Variants in ADAMTSL3 observed in about 807,000 individuals in gnomAD.
ADAMTSL3 encodes the protein ADAMTS-like protein 3.
In ADAMTSL3, 128 loss-of-function variants were observed where a neutral mutation model predicts 201.7. The ratio of observed to expected loss-of-function variants is 0.63; its 90% CI spans 0.55 to 0.73. ADAMTSL3 has a LOEUF of 0.73. ADAMTSL3 is among the 30% of genes least tolerant of loss of function. ADAMTSL3 has a pLI of 0.00. For synonymous variants in ADAMTSL3, 738 were observed against 748.4 expected, an observed-to-expected ratio of 0.99 and a Z score of 0.23; for missense variants, 1,990 against 2,119.6, an observed-to-expected ratio of 0.94 and a Z score of 1.20.
chr15:83,724,061 G>A (rs190071635), intron 3 of ADAMTSL3, among the ~76,000 whole-genome samples: 1 of 148,184 alleles, frequency 6.7e-6, no homozygotes, highest in Admixed American at 6.7e-5. Flanking sequence ...TTCCCTTCTT[G>A]TTTTTTTTTA....
chr15:83,783,649 A>G (rs2141798329), intron 4 of ADAMTSL3, among the ~76,000 whole-genome samples: 1 of 152,320 alleles, frequency 6.6e-6, no homozygotes, highest in South Asian at 2.1e-4. Context: ...TAGCAGAAAT[A>G]GAGGAATCAT....
intron 2 of ADAMTSL3, among the ~76,000 whole-genome samples, chr15:83,658,042 T>G (rs1450149220): frequency 6.6e-6 from 1 of 152,236 alleles, no homozygotes; most frequent in Non-Finnish European, 1.5e-5. Context: ...AGAAAACTGC[T>G]AGATGTGTGA....
chr15:83,954,182 G>A (rs1335385763), intron 19 of ADAMTSL3, among the ~76,000 whole-genome samples: 4 of 151,960 alleles, frequency 2.6e-5, no homozygotes, highest in African/African-American at 9.7e-5. Context: ...CCCCTTCAGG[G>A]TTATTTTCTA....
At chr15:83,963,021 A>G (rs1048166313) in intron 19 of ADAMTSL3, among the ~76,000 whole-genome samples, 6 of 152,180 alleles carry the variant, frequency 3.9e-5, no homozygotes, top group African/African-American at 1.4e-4. Context: ...TTTACAACCC[A>G]CAAACCAGGA....
chr15:83,922,700 G>A (rs1262824948), intron 16 of ADAMTSL3, among the ~76,000 whole-genome samples: 7 of 152,096 alleles, frequency 4.6e-5, no homozygotes, highest in African/African-American at 1.7e-4. Flanking sequence ...TACAACTGAA[G>A]ACAGCAGGAG....
At chr15:83,807,518 G>A (rs1337307842) in intron 5 of ADAMTSL3, among the ~76,000 whole-genome samples, 1 of 152,022 alleles carries the variant, frequency 6.6e-6, no homozygotes, top group African/African-American at 2.4e-5. Context: ...TTCATGGATT[G>A]GAAAAATTCA....
At chr15:84,007,945 G>T (rs772169487) in intron 23 of ADAMTSL3, among the ~76,000 whole-genome samples, 1 of 152,140 alleles carries the variant, frequency 6.6e-6, no homozygotes, top group Non-Finnish European at 1.5e-5. Context: ...TTATAGCAAA[G>T]TGCCTCAAGA....
In ADAMTSL3 at chr15:83,779,405, A is replaced by G. The variant is rs553505453; in HGVS notation, c.317+5755A>G. On this transcript the variant is annotated intron_variant, in intron 4 of 29. Transcript: ENST00000286744. The stretch of plus-strand genomic sequence containing the variant: ...CAAAGGCAAAAGAACTGAAATCATA[A>G]AAAACAATCTCGGCTGGGTGCAGTG... Among the ~76,000 whole-genome samples the G allele has an allele frequency of 5.9e-5, 9 of 152,298 alleles. No homozygotes were observed. The South Asian group carries it at 1.9e-3, about 32-fold the overall frequency.
intron 8 of ADAMTSL3, among the ~76,000 whole-genome samples, chr15:83,863,356 T>C (rs1385866482): frequency 2.0e-5 from 3 of 152,086 alleles, no homozygotes; most frequent in Non-Finnish European, 4.4e-5. Context: ...ACTGACCACA[T>C]AGTTGGAAGT....
Position 83,968,412 on chromosome 15 carries a change from A to G in ADAMTSL3, c.2491-2072A>G, listed in dbSNP as rs561353909. 1.1e-3 allele frequency among the ~76,000 whole-genome samples: 173 copies of G among 152,326 alleles called. 1 individual carries two copies. Among genetic ancestry groups the G allele is most frequent in the African/African-American group, 4.1e-3 (169 of 41,574 alleles). On this transcript the variant is annotated intron_variant, in intron 19 of 29. Coordinates refer to ENST00000286744, the MANE Select transcript of ADAMTSL3 (RefSeq NM_207517.3). ...AAGGAGACATTTATGCGGCCAACAAACATATGGAAAAAAGCTCATTAGAGA... is the reference window on the plus strand; with the variant it reads ...AAGGAGACATTTATGCGGCCAACAAGCATATGGAAAAAAGCTCATTAGAGA...
chr15:83,995,343 A>T (rs925139186), intron 23 of ADAMTSL3, among the ~76,000 whole-genome samples: 1 of 152,190 alleles, frequency 6.6e-6, no homozygotes, highest in African/African-American at 2.4e-5. Context: ...CACGAAAATG[A>T]TATGAAAACC....
intron 3 of ADAMTSL3, among the ~76,000 whole-genome samples, chr15:83,766,842 C>A (rs753679203): frequency 6.6e-6 from 1 of 152,164 alleles, no homozygotes; most frequent in Non-Finnish European, 1.5e-5. Context: ...TGCCTGTAAT[C>A]GCAGCACTTT....
At chr15:84,018,669 A>T (rs1018518295) in intron 25 of ADAMTSL3, among the ~76,000 whole-genome samples, 5 of 150,388 alleles carry the variant, frequency 3.3e-5, no homozygotes, top group African/African-American at 1.2e-4. Flanking sequence ...TCATGTGACT[A>T]GGGTACAGTT....
intron 3 of ADAMTSL3, among the ~76,000 whole-genome samples, chr15:83,730,384 T>C (rs963768749): frequency 6.6e-6 from 1 of 152,086 alleles, no homozygotes; most frequent in African/African-American, 2.4e-5. Flanking sequence ...GAATAAACTC[T>C]GCAAGTCTGA....
At chr15:83,825,323 A>G (rs984732354) in intron 6 of ADAMTSL3, among the ~76,000 whole-genome samples, 8 of 152,206 alleles carry the variant, frequency 5.3e-5, no homozygotes, top group African/African-American at 1.9e-4. Flanking sequence ...TATTAAAAGC[A>G]ATTTAGGTTG....
intron 6 of ADAMTSL3, among the ~76,000 whole-genome samples, chr15:83,830,705 A>G (rs909359437): frequency 2.0e-5 from 3 of 152,226 alleles, no homozygotes; most frequent in Admixed American, 2.0e-4. Flanking sequence ...TCTAGAGGCC[A>G]GAAGTTTAAA....
At chr15:83,864,603 G>T (rs886881736) in intron 8 of ADAMTSL3, among the ~76,000 whole-genome samples, 1 of 152,176 alleles carries the variant, frequency 6.6e-6, no homozygotes, top group African/African-American at 2.4e-5. Flanking sequence ...AGGTATTGAT[G>T]GAACGTATCT....
intron 21 of ADAMTSL3, 91 bp from the exon 22 acceptor site, chr15:83,988,600 A>G: frequency 8.5e-7 from 1 of 1,180,864 alleles, no homozygotes; most frequent in Non-Finnish European, 1.1e-6. Flanking sequence ...CAAAGCCTGT[A>G]ATGGTGCAGT....
intron 6 of ADAMTSL3, among the ~76,000 whole-genome samples, chr15:83,832,470 A>T (rs992807413): frequency 5.9e-5 from 9 of 152,152 alleles, no homozygotes; most frequent in Admixed American, 4.6e-4. Flanking sequence ...TGAAAGCTGG[A>T]TGCTCTTTTG....
Sources: gnomAD v4.1 joint callset for allele counts (sites outside exome capture counted in the v4.1 genomes callset) on GRCh38, gnomAD v4.1.1 for gene constraint, MANE v1.5 for transcripts, NCBI Gene and HGNC (gene_info 2026-07-23, HGNC 2026-07-21) for gene names.